MCC: variants seen among roughly 807,000 people sequenced by gnomAD.
MCC encodes colorectal mutant cancer protein.
In MCC, 90 loss-of-function variants were observed where a neutral mutation model predicts 116.2. The observed-to-expected ratio is 0.77, with a 90% CI of 0.65 to 0.92. MCC has a LOEUF of 0.92. Ranked by LOEUF, MCC falls within the 40% of genes least tolerant of loss-of-function variation. The pLI, the probability that MCC is intolerant of heterozygous loss-of-function variation, is 0.00. For synonymous variants in MCC, 578 were observed against 510.5 expected, an observed-to-expected ratio of 1.13 and a Z score of -1.78; for missense variants, 1,516 against 1,312.2, an observed-to-expected ratio of 1.16 and a Z score of -2.40.
chr5:113,307,353 A>C (rs1324074561), intron 3 of MCC, among the ~76,000 whole-genome samples: 1 of 152,144 alleles, frequency 6.6e-6, no homozygotes, highest in Non-Finnish European at 1.5e-5. Context: ...TCCATGTATA[A>C]ATCTTGTACT....
chr5:113,081,133 TC>T (rs1015359460), intron 11 of MCC, among the ~76,000 whole-genome samples: 3 of 152,194 alleles, frequency 2.0e-5, no homozygotes, highest in African/African-American at 7.2e-5. Context: ...GTAATAGGCC[TC>T]CAACTTTGAG....
chr5:113,482,754 C>A (rs1022640345), intron 1 of MCC, among the ~76,000 whole-genome samples: 2 of 152,088 alleles, frequency 1.3e-5, no homozygotes, highest in African/African-American at 4.8e-5. Context: ...AAAAAATTTG[C>A]GGAAGCCTAA....
At chr5:113,133,509 A>G (rs1445064467) in intron 5 of MCC, among the ~76,000 whole-genome samples, 1 of 150,982 alleles carries the variant, frequency 6.6e-6, no homozygotes, top group African/African-American at 2.4e-5. Flanking sequence ...TATTGTGTGT[A>G]TCTTCATCTA....
chr5:113,164,316 A>C (rs552495069), intron 3 of MCC, among the ~76,000 whole-genome samples: 1 of 152,336 alleles, frequency 6.6e-6, no homozygotes, highest in East Asian at 1.9e-4. Context: ...CTTACATAGC[A>C]ACTCTGAAAT....
intron 17 of MCC, among the ~76,000 whole-genome samples, chr5:113,037,041 A>C (rs145423311): frequency 4.6e-5 from 7 of 152,366 alleles, no homozygotes; most frequent in African/African-American, 1.7e-4. Context: ...CAGCAAGTTT[A>C]AATAAAACAG....
chr5:113,267,165 T>C (rs1765453318), intron 3 of MCC, among the ~76,000 whole-genome samples: 2 of 152,178 alleles, frequency 1.3e-5, no homozygotes, highest in African/African-American at 4.8e-5. Context: ...ATCGTCCCTG[T>C]AGCAGGCCCT....
intron 15 of MCC, among the ~76,000 whole-genome samples, chr5:113,049,815 C>T (rs567651630): frequency 2.6e-5 from 4 of 152,302 alleles, no homozygotes; most frequent in East Asian, 1.9e-4. Flanking sequence ...GCCAGGCATG[C>T]GGCGAATGCC....
At chr5:113,280,731 AG>A (rs1467916667) in intron 3 of MCC, among the ~76,000 whole-genome samples, 3 of 152,352 alleles carry the variant, frequency 2.0e-5, no homozygotes, top group South Asian at 2.1e-4. Flanking sequence ...ACTGACTACA[AG>A]AAGATTTTGT....
At chr5:113,039,068 G>A (rs114965524) in intron 17 of MCC, among the ~76,000 whole-genome samples, 1,789 of 152,254 alleles carry the variant, frequency 0.012, 32 homozygotes, top group African/African-American at 0.04. Flanking sequence ...CCCTGCTCCT[G>A]GGTAGAGTGA....
intron 5 of MCC, among the ~76,000 whole-genome samples, chr5:113,133,039 C>T (rs1016166609): frequency 6.6e-6 from 1 of 152,014 alleles, no homozygotes; most frequent in East Asian, 1.9e-4. Context: ...CGGATAGATA[C>T]GTATTTTCAG....
At chr5:113,293,978 A>G (rs1230519769) in intron 3 of MCC, among the ~76,000 whole-genome samples, 1 of 152,142 alleles carries the variant, frequency 6.6e-6, no homozygotes, top group Non-Finnish European at 1.5e-5. Flanking sequence ...ATGTCCGTGT[A>G]TTTTACCGAT....
rs145578606 is a variant in MCC, at chr5:113,091,002, G to C, written c.1399-5692C>G. On this transcript the variant is annotated intron_variant, in intron 8 of 18. Transcript: ENST00000408903. Reference sequence around the variant, plus strand: ...GGGCACAGAATGAGAGCGTGGGAGGGAGGAGATGGAGGGCGCCTGCTAGTC... The same window carrying C: ...GGGCACAGAATGAGAGCGTGGGAGGCAGGAGATGGAGGGCGCCTGCTAGTC... Among the ~76,000 whole-genome samples the C allele has an allele frequency of 2.3e-3, 348 of 152,336 alleles. 2 individuals carry two copies. Among genetic ancestry groups the C allele is most frequent in the African/African-American group, 8.0e-3 (333 of 41,574 alleles).
intron 6 of MCC, among the ~76,000 whole-genome samples, chr5:113,110,399 A>G (rs1757017050): frequency 6.6e-6 from 1 of 152,226 alleles, no homozygotes; most frequent in Non-Finnish European, 1.5e-5. Flanking sequence ...GACAGAAAGG[A>G]GGAAGCATTC....
intron 11 of MCC, among the ~76,000 whole-genome samples, chr5:113,072,975 G>A (rs184954219): frequency 5.9e-5 from 9 of 151,896 alleles, no homozygotes; most frequent in East Asian, 1.9e-4. Flanking sequence ...TGCCACCACC[G>A]TCTACCCAAC....
chr5:113,427,451 G>T (rs1222547831), intron 1 of MCC, among the ~76,000 whole-genome samples: 1 of 152,122 alleles, frequency 6.6e-6, no homozygotes, highest in Non-Finnish European at 1.5e-5. Context: ...ATCAGTACAG[G>T]AAACAAAACT....
At chr5:113,109,623 T>C (rs1240951404) in intron 6 of MCC, among the ~76,000 whole-genome samples, 2 of 152,176 alleles carry the variant, frequency 1.3e-5, no homozygotes, top group Non-Finnish European at 2.9e-5. Flanking sequence ...TTAGAAATGA[T>C]TACCATGGTA....
chr5:113,214,842 C>T (rs569284374), intron 3 of MCC, among the ~76,000 whole-genome samples: 1 of 152,222 alleles, frequency 6.6e-6, no homozygotes. Context: ...CTCCTCATTG[C>T]CATCAGGATA....
At chr5:113,299,176 TACTC>T (rs1766787462) in intron 3 of MCC, among the ~76,000 whole-genome samples, 1 of 151,674 alleles carries the variant, frequency 6.6e-6, no homozygotes, top group Admixed American at 6.6e-5. Context: ...TAATCCCAGA[TACTC>T]AGGAGGCTGA....
chr5:113,068,182 C>T lies in MCC; in HGVS notation c.1927G>A (p.Glu643Lys), dbSNP rs773355443. ...TALRLALQYS[E>K]QCIEAYELLL... ...AGTTCGTAGGCTTCGATGCACTGCT[C>T]GCTGAAACAAAGCACATGGGGCCTC... The change falls in exon 13 of 19, where the codon GAG becomes AAG. Residue 643 changes from glutamate (E) to lysine (K), a missense_variant and splice_region_variant. Transcript: ENST00000408903. The T allele has an allele frequency of 8.3e-5, 134 of 1,612,890 alleles. No individual in the cohort carries two copies. In the Middle Eastern group the frequency reaches 1.3e-3, roughly 16 times the overall value.
Sources: allele counts gnomAD v4.1 joint callset (sites outside exome capture counted in the v4.1 genomes callset), GRCh38; gene constraint gnomAD v4.1.1; transcripts MANE v1.5; gene names NCBI Gene and HGNC (gene_info 2026-07-23, HGNC 2026-07-21).